CDK6: variants seen among roughly 807,000 people sequenced by gnomAD.
CDK6 encodes the protein cyclin-dependent kinase 6.
A neutral mutation model predicts 37.1 loss-of-function variants in CDK6; 6 were observed. That is an observed-to-expected ratio of 0.16 (90% confidence interval 0.09 to 0.32). CDK6 has a LOEUF of 0.32. Among genes scored for constraint, CDK6 ranks in the 10% least tolerant of loss-of-function variants. The pLI, the probability that CDK6 is intolerant of heterozygous loss-of-function variation, is 1.00. For synonymous variants in CDK6, 160 were observed against 161.3 expected, an observed-to-expected ratio of 0.99 and a Z score of 0.06; for missense variants, 224 against 418.9, an observed-to-expected ratio of 0.53 and a Z score of 4.06.
intron 2 of CDK6, among the ~76,000 whole-genome samples, chr7:92,804,628 T>C (rs548690516): frequency 6.6e-6 from 1 of 152,360 alleles, no homozygotes; most frequent in African/African-American, 2.4e-5. Context: ...TTCCAATTTA[T>C]GCTGCAGACC....
In CDK6 at chr7:92,781,487, T is replaced by C. The variant is rs1456917394; in HGVS notation, c.234-6656A>G. On this transcript the variant is annotated intron_variant, in intron 2 of 7. Transcript: ENST00000424848. ...GCATAGGCAAGTTGCCTTCATCTAA[T>C]GGATGGGATTACATCCAATAGGTTT... is the stretch of plus-strand genomic sequence containing the variant. Among the ~76,000 whole-genome samples the C allele has an allele frequency of 2.6e-5, 4 of 152,394 alleles. No individual in the cohort carries two copies. In the East Asian group the frequency reaches 7.7e-4, roughly 29 times the overall value.
chr7:92,618,732 A>C (rs1274987157), intron 6 of CDK6, among the ~76,000 whole-genome samples: 2 of 152,220 alleles, frequency 1.3e-5, no homozygotes, highest in African/African-American at 4.8e-5. Context: ...TATACATTAG[A>C]ATCAGAAGGA....
chr7:92,824,764 C>A (rs532780379), intron 2 of CDK6, among the ~76,000 whole-genome samples: 1 of 152,130 alleles, frequency 6.6e-6, no homozygotes, highest in South Asian at 2.1e-4. Context: ...GTTAATAATA[C>A]CTTATATTTG....
rs569945096 is a variant in CDK6, at chr7:92,607,283, C to G, written c.*7857G>C. The G allele has an allele frequency of 8.5e-4, 198 of 233,740 alleles. 2 individuals carry two copies. The highest frequency in any genetic ancestry group is 1.1e-3 in the South Asian group (6 of 5,532). The allele number at this position is 233,740 out of a possible 1,614,324, so 14.5% of individuals were successfully genotyped here. ...CAGACAAGAGGAGGCACCACCCAGGCACTGGTCTCTGCCTGGCATCTATTC... is the reference window on the plus strand; with the variant it reads ...CAGACAAGAGGAGGCACCACCCAGGGACTGGTCTCTGCCTGGCATCTATTC... On this transcript the variant is annotated 3_prime_UTR_variant, in exon 8 of 8. Transcript: ENST00000424848.
intron 3 of CDK6, among the ~76,000 whole-genome samples, chr7:92,766,548 G>C (rs1799585929): frequency 6.6e-6 from 1 of 152,192 alleles, no homozygotes. Context: ...TGGACTAAAT[G>C]ACATCACTTG....
At chr7:92,685,373 G>T (rs1585398032) in intron 4 of CDK6, among the ~76,000 whole-genome samples, 1 of 152,194 alleles carries the variant, frequency 6.6e-6, no homozygotes, top group African/African-American at 2.4e-5. Context: ...GTTGGGGGCA[G>T]TGTGGTTGCT....
At position 92,671,401 on chromosome 7, in the gene CDK6, G is replaced by A. The variant is rs1176368854; in HGVS notation, c.647+25C>T. 2.9e-6 allele frequency: 4 copies of A among 1,396,304 alleles called. No individual in the cohort carries two copies. In the South Asian group the frequency reaches 5.6e-5, roughly 19 times the overall value. The allele number at this position is 1,396,304 out of a possible 1,614,324, so 86.5% of individuals were successfully genotyped here. ...CCACAGTCTCTTTTCAAGGAAAGCA[G>A]AGTGAAACAAAATGTATTTCTTACT... On this transcript the variant is annotated intron_variant, in intron 5 of 7. Transcript: ENST00000424848.
chr7:92,615,345 T>G, intron 7 of CDK6, 59 bp from the exon 8 acceptor site: 1 of 1,388,706 alleles, frequency 7.2e-7, no homozygotes. Context: ...AATAATGTAC[T>G]TACAGAGTTA....
chr7:92,772,917 T>C (rs972310625), intron 3 of CDK6, among the ~76,000 whole-genome samples: 1 of 152,124 alleles, frequency 6.6e-6, no homozygotes, highest in Non-Finnish European at 1.5e-5. Flanking sequence ...ATGTAAGATA[T>C]AAAATATATG....
chr7:92,722,358 C>CCAG (rs1798388353), intron 4 of CDK6, among the ~76,000 whole-genome samples: 2 of 152,166 alleles, frequency 1.3e-5, no homozygotes, highest in Admixed American at 6.5e-5. Context: ...TCTATCTCTA[C>CCAG]AGCTTTCTGT....
At chr7:92,723,104 G>A (rs954337639) in intron 4 of CDK6, among the ~76,000 whole-genome samples, 12 of 152,074 alleles carry the variant, frequency 7.9e-5, no homozygotes, top group Non-Finnish European at 1.3e-4. Context: ...TGAACTCGGA[G>A]GGCAGAGGTT....
intron 2 of CDK6, among the ~76,000 whole-genome samples, chr7:92,806,905 T>G (rs1387177180): frequency 6.6e-6 from 1 of 152,206 alleles, no homozygotes; most frequent in African/African-American, 2.4e-5. Flanking sequence ...AAATTTACTT[T>G]GTGTTTCCCA....
rs2116602438 is a variant in CDK6 at position 92,671,410 on chromosome 7, A to G, written c.647+16T>C. 1 of 1,473,064 alleles carries G rather than the reference A, an allele frequency of 6.8e-7. No individual in the cohort carries two copies. Among genetic ancestry groups the G allele is most frequent in the Non-Finnish European group, 9.2e-7 (1 of 1,088,628 alleles). 91.2% of individuals were successfully genotyped at this position (1,473,064 alleles called of 1,614,324 possible). ...CTTTTCAAGGAAAGCAGAGTGAAAC[A>G]AAATGTATTTCTTACTTTCTACGAA... is the stretch of plus-strand genomic sequence containing the variant. On this transcript the variant is annotated intron_variant, in intron 5 of 7. Coordinates refer to ENST00000424848, the MANE Select transcript of CDK6 (RefSeq NM_001145306.2).
At chr7:92,686,639 A>G (rs1308594407) in intron 4 of CDK6, among the ~76,000 whole-genome samples, 2 of 152,148 alleles carry the variant, frequency 1.3e-5, no homozygotes, top group Admixed American at 6.5e-5. Context: ...CTTTGGGTAG[A>G]TACCCAGGAA....
chr7:92,641,271 AACTCCATCATTC>A (rs1796298930), intron 5 of CDK6, among the ~76,000 whole-genome samples: 1 of 152,172 alleles, frequency 6.6e-6, no homozygotes, highest in Non-Finnish European at 1.5e-5. Flanking sequence ...ATGATTTTCT[AACTCCATCATTC>A]ACTCTGTTAT....
chr7:92,644,156 C>A (rs1174191876), intron 5 of CDK6, among the ~76,000 whole-genome samples: 1 of 152,174 alleles, frequency 6.6e-6, no homozygotes, highest in Non-Finnish European at 1.5e-5. Flanking sequence ...TGAGTCCTGA[C>A]CTACCTTCTT....
intron 5 of CDK6, among the ~76,000 whole-genome samples, chr7:92,653,374 T>C (rs1426425319): frequency 6.6e-6 from 1 of 152,238 alleles, no homozygotes; most frequent in Non-Finnish European, 1.5e-5. Flanking sequence ...CAGAAGAACG[T>C]ACTCTTTATC....
At chr7:92,696,659 C>T (rs1391828871) in intron 4 of CDK6, among the ~76,000 whole-genome samples, 1 of 152,128 alleles carries the variant, frequency 6.6e-6, no homozygotes, top group Non-Finnish European at 1.5e-5. Flanking sequence ...GGGACTAGAA[C>T]AAACGCTTTG....
intron 3 of CDK6, among the ~76,000 whole-genome samples, chr7:92,757,817 C>T (rs543090018): frequency 3.5e-4 from 54 of 152,214 alleles, no homozygotes; most frequent in African/African-American, 1.1e-3. Flanking sequence ...CCAGCATCTG[C>T]TATTTTGTGA....
Sources: gnomAD v4.1 joint callset for allele counts (sites outside exome capture counted in the v4.1 genomes callset) on GRCh38, gnomAD v4.1.1 for gene constraint, MANE v1.5 for transcripts, NCBI Gene and HGNC (gene_info 2026-07-23, HGNC 2026-07-21) for gene names.